UGCG: variants seen among roughly 807,000 people sequenced by gnomAD.
The protein encoded by UGCG is UDP-glucose ceramide glucosyltransferase.
A neutral mutation model predicts 49.5 loss-of-function variants in UGCG; 10 were observed. The ratio of observed to expected loss-of-function variants is 0.20; its 90% confidence interval spans 0.12 to 0.34. The LOEUF (loss-of-function observed/expected upper bound fraction) is 0.34. Among genes scored for constraint, UGCG ranks in the 10% least tolerant of loss-of-function variants. UGCG has a pLI of 1.00. For missense variants in UGCG, 312 were observed against 483.7 expected, an observed-to-expected ratio of 0.65 and a Z score of 3.33; for synonymous variants, 182 against 158.2, an observed-to-expected ratio of 1.15 and a Z score of -1.13.
chr9:111,908,699 T>A (rs1837938529), intron 1 of UGCG, among the ~76,000 whole-genome samples: 1 of 152,212 alleles, frequency 6.6e-6, no homozygotes, highest in Admixed American at 6.5e-5. Flanking sequence ...TGCCCTAGGC[T>A]GAGGGTAGAA....
Position 111,926,503 on chromosome 9 carries a change from A to G in UGCG, c.558+7A>G, listed in dbSNP as rs769073908. On this transcript the variant is annotated splice_region_variant and intron_variant, in intron 5 of 8. Transcript: ENST00000374279. ...TGCTGCCACCTTAGAGCAGGTGAGTATGGTGGTTATAAATCATGTTCATAG... is the reference window on the plus strand; with the variant it reads ...TGCTGCCACCTTAGAGCAGGTGAGTGTGGTGGTTATAAATCATGTTCATAG... 3.8e-6 allele frequency: 6 copies of G among 1,594,346 alleles called. No individual in the cohort carries two copies. The Admixed American group carries it at 8.6e-5, about 23-fold the overall frequency.
chr9:111,914,525 A>T, intron 1 of UGCG, 80 bp from the exon 2 acceptor site: 1 of 1,376,714 alleles, frequency 7.3e-7, no homozygotes, highest in Non-Finnish European at 9.9e-7. Flanking sequence ...GAATTTAGGG[A>T]TTTATTGATA....
In UGCG at chr9:111,897,183, G is replaced by T. The variant is rs1464293119; in HGVS notation, c.-33G>T. 1.3e-6 allele frequency: 2 copies of T among 1,526,802 alleles called. No homozygotes were observed. The highest frequency in any genetic ancestry group is 2.0e-5 in the Admixed American group (1 of 50,124). 94.6% of individuals were successfully genotyped at this position (1,526,802 alleles called of 1,614,324 possible). ...GGGAGCGTTGTCCGTGTTGGCGGCC[G>T]CAGCGGGCCGGGCCGGTCCGGCGGG... On this transcript the variant is annotated 5_prime_UTR_variant, in exon 1 of 9. Coordinates refer to ENST00000374279, the MANE Select transcript of UGCG (RefSeq NM_003358.3).
chr9:111,903,566 GA>G (rs928808349), intron 1 of UGCG, among the ~76,000 whole-genome samples: 1 of 151,814 alleles, frequency 6.6e-6, no homozygotes, highest in African/African-American at 2.4e-5. Context: ...CTCTGCCTCA[GA>G]AAAAAAAGAA....
At chr9:111,918,924 C>G (rs1006994439) in intron 2 of UGCG, among the ~76,000 whole-genome samples, 1 of 111,974 alleles carries the variant, frequency 8.9e-6, no homozygotes, top group Non-Finnish European at 1.9e-5. Context: ...GACTCCGTCT[C>G]AAAAAAAAAA....
At chr9:111,925,722 T>C (rs1342671039) in intron 4 of UGCG, among the ~76,000 whole-genome samples, 2 of 152,198 alleles carry the variant, frequency 1.3e-5, no homozygotes, top group African/African-American at 2.4e-5. Flanking sequence ...AAAAATGATA[T>C]GAGATGTTTG....
At chr9:111,915,405 C>G (rs988731753) in intron 2 of UGCG, among the ~76,000 whole-genome samples, 1 of 152,104 alleles carries the variant, frequency 6.6e-6, no homozygotes, top group Non-Finnish European at 1.5e-5. Context: ...CTTAGGATAA[C>G]TTAATATTCT....
At chr9:111,914,473 T>G in intron 1 of UGCG, 132 bp from the exon 2 acceptor site, 1 of 882,062 alleles carries the variant, frequency 1.1e-6, no homozygotes, top group Non-Finnish European at 1.7e-6. Flanking sequence ...CATGTTTAGA[T>G]CCTCTTTTAG....
intron 4 of UGCG, among the ~76,000 whole-genome samples, chr9:111,926,057 T>C (rs1838307355): frequency 6.6e-6 from 1 of 152,180 alleles, no homozygotes; most frequent in South Asian, 2.1e-4. Context: ...TCCTGAGCCT[T>C]TTCCACTAGG....
chr9:111,905,755 C>T (rs1837871136), intron 1 of UGCG, among the ~76,000 whole-genome samples: 1 of 152,162 alleles, frequency 6.6e-6, no homozygotes, highest in Non-Finnish European at 1.5e-5. Flanking sequence ...AGCCCGGCCT[C>T]TCCTTCATGC....
Position 111,915,225 on chromosome 9 carries a change from A to C in UGCG, c.240+479A>C, listed in dbSNP as rs147164041. 4.1e-3 allele frequency among the ~76,000 whole-genome samples: 630 copies of C among 152,288 alleles called. 5 individuals carry two copies. The highest frequency in any genetic ancestry group is 0.015 in the African/African-American group (604 of 41,558). On this transcript the variant is annotated intron_variant, in intron 2 of 8. Coordinates refer to ENST00000374279, the MANE Select transcript of UGCG (RefSeq NM_003358.3). ...TAGGGTTTCATCTTACCTCATTTTTAATTTCCTTACTGTTCTGATTTTAAT... is the reference window on the plus strand; with the variant it reads ...TAGGGTTTCATCTTACCTCATTTTTCATTTCCTTACTGTTCTGATTTTAAT...
intron 4 of UGCG, 43 bp from the exon 5 acceptor site, chr9:111,926,341 A>T (rs761134363): frequency 7.0e-7 from 1 of 1,433,976 alleles, no homozygotes. Flanking sequence ...ACTAAAAACA[A>T]ATTTTCTTTT....
intron 1 of UGCG, among the ~76,000 whole-genome samples, chr9:111,909,752 T>C (rs1837961778): frequency 6.6e-6 from 1 of 152,244 alleles, no homozygotes; most frequent in Non-Finnish European, 1.5e-5. Context: ...TATTCTTCTA[T>C]TGTTTTGACA....
chr9:111,932,450 C>CA (rs1447406497), intron 8 of UGCG, 91 bp downstream of exon 8: 1 of 1,274,120 alleles, frequency 7.8e-7, no homozygotes. Context: ...GTATCTGAGC[C>CA]ATTCTTCAGC....
In UGCG at chr9:111,915,526, G is replaced by A. The variant is rs1838094924; in HGVS notation, c.240+780G>A. ...ACTTGTGAGAAGAATGTGTCTTTAAGCTTCTACCCACTTGACTTTCAGTAC... is the reference window on the plus strand; with the variant it reads ...ACTTGTGAGAAGAATGTGTCTTTAAACTTCTACCCACTTGACTTTCAGTAC... On this transcript the variant is annotated intron_variant, in intron 2 of 8. Transcript: ENST00000374279. Among the ~76,000 whole-genome samples, 5 of 152,184 alleles carry A rather than the reference G, an allele frequency of 3.3e-5. No homozygotes were observed. In the South Asian group the frequency reaches 1.0e-3, roughly 32 times the overall value.
chr9:111,902,362 G>C, intron 1 of UGCG, among the ~76,000 whole-genome samples: 1 of 152,182 alleles, frequency 6.6e-6, no homozygotes, highest in Non-Finnish European at 1.5e-5. Flanking sequence ...TGTTAGCAAG[G>C]TTAAGCTTGC....
At chr9:111,905,741 A>T (rs955595253) in intron 1 of UGCG, among the ~76,000 whole-genome samples, 1 of 152,182 alleles carries the variant, frequency 6.6e-6, no homozygotes, top group Admixed American at 6.5e-5. Flanking sequence ...GGCATGAGCC[A>T]CTGAGCCCGG....
At position 111,897,071 on chromosome 9, in the gene UGCG, C is replaced by G; in HGVS notation, c.-145C>G. 1 of 289,414 alleles carries G rather than the reference C, an allele frequency of 3.5e-6. No homozygotes were observed. 17.9% of individuals were successfully genotyped at this position (289,414 alleles called of 1,614,324 possible). ...CGCAGGCCCTGCCCGCCCCTTCCGT[C>G]CCCACCCCCCTCCGCCCTTTCCTCT... On this transcript the variant is annotated 5_prime_UTR_variant, in exon 1 of 9. Coordinates refer to ENST00000374279, the MANE Select transcript of UGCG (RefSeq NM_003358.3).
chr9:111,922,934 A>T lies in UGCG; in HGVS notation c.326A>T (p.Asp109Val). ...KKLLGKYPNV[D>V]ARLFIGGKKV... ...CTTCTTGGAAAATATCCAAATGTTG[A>T]TGCTAGATTGTTTATAGGTAAGTAA... The change falls in exon 3 of 9, where the codon GAT becomes GTT. Residue 109 changes from aspartate (D) to valine (V), a missense_variant. Physicochemically the swap from Asp to Val is radical, Grantham distance 152. Coordinates refer to ENST00000374279, the MANE Select transcript of UGCG (RefSeq NM_003358.3). 4 of 1,611,702 alleles carry T rather than the reference A, an allele frequency of 2.5e-6. No individual in the cohort carries two copies. The highest frequency in any genetic ancestry group is 3.4e-6 in the Non-Finnish European group (4 of 1,178,756).
Sources: allele counts gnomAD v4.1 joint callset (sites outside exome capture counted in the v4.1 genomes callset), GRCh38; gene constraint gnomAD v4.1.1; transcripts MANE v1.5; gene names NCBI Gene and HGNC (gene_info 2026-07-23, HGNC 2026-07-21).